Variants in FER observed in about 807,000 individuals in gnomAD.
FER encodes FER tyrosine kinase.
Under a neutral mutation model 111.0 loss-of-function variants are expected in FER, and 63 were observed. The ratio of observed to expected loss-of-function variants is 0.57; its 90% CI spans 0.46 to 0.70. The LOEUF (loss-of-function observed/expected upper bound fraction) is 0.70, where lower values mean the gene tolerates loss of function less well. FER is among the 30% of genes least tolerant of loss of function. The pLI is 0.00. For synonymous variants in FER, 327 were observed against 313.9 expected (o/e 1.04, Z -0.44); for missense variants, 914 against 954.0 (o/e 0.96, Z 0.55).
chr5:109,054,517 A>G (rs1317251878), intron 16 of FER, among the ~76,000 whole-genome samples: 1 of 152,188 alleles, frequency 6.6e-6, no homozygotes, highest in Non-Finnish European at 1.5e-5. Flanking sequence ...TATTCTGGAT[A>G]CAAATCCTTT....
At chr5:108,816,084 C>A (rs985480078) in intron 3 of FER, among the ~76,000 whole-genome samples, 1 of 152,026 alleles carries the variant, frequency 6.6e-6, no homozygotes, top group Non-Finnish European at 1.5e-5. Flanking sequence ...CCCAAACACA[C>A]ACACACCACA....
intron 1 of FER, among the ~76,000 whole-genome samples, chr5:108,764,512 C>T (rs866615225): frequency 1.3e-5 from 2 of 152,090 alleles, no homozygotes; most frequent in Non-Finnish European, 2.9e-5. Context: ...ATTCTCCTGC[C>T]TCAGCCTCCC....
intron 17 of FER, among the ~76,000 whole-genome samples, chr5:109,113,548 A>G (rs913976592): frequency 3.1e-4 from 47 of 152,122 alleles, no homozygotes; most frequent in Non-Finnish European, 3.8e-4. Flanking sequence ...TTTTCATAGG[A>G]AACTCTTCAA....
At chr5:109,158,954 T>A (rs1364416812) in intron 17 of FER, among the ~76,000 whole-genome samples, 5 of 152,158 alleles carry the variant, frequency 3.3e-5, no homozygotes, top group African/African-American at 1.2e-4. Context: ...TAATTTTAAA[T>A]TCAGTCATTA....
chr5:109,078,007 A>G (rs1776558813), intron 16 of FER, among the ~76,000 whole-genome samples: 1 of 152,156 alleles, frequency 6.6e-6, no homozygotes, highest in Admixed American at 6.5e-5. Context: ...AAGTTTTTGA[A>G]ATAAACTAAT....
intron 10 of FER, among the ~76,000 whole-genome samples, chr5:108,924,109 C>A (rs554731256): frequency 3.6e-4 from 54 of 152,074 alleles, no homozygotes; most frequent in African/African-American, 1.1e-3. Context: ...GTAATCCCAG[C>A]ACTTTGGGAG....
chr5:109,030,315 G>C (rs1769418314), intron 13 of FER, among the ~76,000 whole-genome samples: 1 of 152,056 alleles, frequency 6.6e-6, no homozygotes, highest in Non-Finnish European at 1.5e-5. Flanking sequence ...CCCACTGTTG[G>C]TTGACTGTCT....
At chr5:109,112,179 A>G (rs1197540406) in intron 17 of FER, among the ~76,000 whole-genome samples, 1 of 152,182 alleles carries the variant, frequency 6.6e-6, no homozygotes, top group Non-Finnish European at 1.5e-5. Flanking sequence ...TAAGACATAG[A>G]TAAGTTTTGA....
chr5:109,103,152 A>C (rs575818236), intron 17 of FER, among the ~76,000 whole-genome samples: 6 of 152,104 alleles, frequency 3.9e-5, no homozygotes, highest in Non-Finnish European at 8.8e-5. Flanking sequence ...TCTCATTTTT[A>C]TATGCCAAAA....
intron 5 of FER, among the ~76,000 whole-genome samples, chr5:108,847,552 T>A (rs1420858135): frequency 2.0e-5 from 3 of 152,198 alleles, no homozygotes; most frequent in Admixed American, 6.5e-5. Context: ...AAATTTGTTA[T>A]GTTCTTAACA....
intron 1 of FER, among the ~76,000 whole-genome samples, chr5:108,764,369 T>G (rs1344384052): frequency 1.3e-5 from 2 of 151,930 alleles, no homozygotes; most frequent in Non-Finnish European, 2.9e-5. Context: ...AAAACAATTT[T>G]ATTTTATTTT....
intron 13 of FER, among the ~76,000 whole-genome samples, chr5:108,961,191 T>C (rs546953526): frequency 1.3e-5 from 2 of 152,288 alleles, no homozygotes; most frequent in African/African-American, 4.8e-5. Context: ...ATATTTTTTA[T>C]CCAGATTAGG....
intron 17 of FER, among the ~76,000 whole-genome samples, chr5:109,113,436 T>C (rs1283198852): frequency 6.6e-6 from 1 of 152,188 alleles, no homozygotes; most frequent in East Asian, 1.9e-4. Context: ...TTATTTTATA[T>C]TACTGGATGA....
Position 108,954,855 on chromosome 5 carries a change from C to A in FER, c.1456C>A (p.His486Asn). ...AGGAGACTTTTTGGTGCGAGAGAGTCATGGGAAACCTGGTGAATATGTCCT... is the reference window on the plus strand; with the variant it reads ...AGGAGACTTTTTGGTGCGAGAGAGTAATGGGAAACCTGGTGAATATGTCCT... ...KQGDFLVRES[H>N]GKPGEYVLSV... The change falls in exon 12 of 20, where the codon CAT (histidine) becomes AAT (asparagine). Residue 486 changes from histidine (H) to asparagine (N), a missense_variant. Physicochemically the swap from His to Asn is moderately conservative, Grantham distance 68. Coordinates refer to ENST00000281092, the MANE Select transcript of FER (RefSeq NM_005246.4). 2 of 1,611,926 alleles carry A rather than the reference C, an allele frequency of 1.2e-6. No individual in the cohort carries two copies. Among genetic ancestry groups the A allele is most frequent in the South Asian group, 2.2e-5 (2 of 90,972 alleles).
chr5:108,816,431 G>A (rs1027563644), intron 3 of FER, among the ~76,000 whole-genome samples: 7 of 152,118 alleles, frequency 4.6e-5, no homozygotes, highest in East Asian at 1.9e-4. Context: ...TTCTGAAGTC[G>A]ACTTTGACAA....
At chr5:109,126,890 C>G (rs1014414767) in intron 17 of FER, among the ~76,000 whole-genome samples, 1 of 152,150 alleles carries the variant, frequency 6.6e-6, no homozygotes, top group African/African-American at 2.4e-5. Flanking sequence ...TCTGAGGAGT[C>G]TACATTTTGA....
chr5:108,796,889 G>A (rs1422422592), intron 2 of FER, among the ~76,000 whole-genome samples: 1 of 151,950 alleles, frequency 6.6e-6, no homozygotes, highest in Non-Finnish European at 1.5e-5. Context: ...TGGTACCTAA[G>A]GTGTAAGACA....
chr5:108,764,941 T>A (rs1752150626), intron 1 of FER, among the ~76,000 whole-genome samples: 1 of 152,154 alleles, frequency 6.6e-6, no homozygotes, highest in Non-Finnish European at 1.5e-5. Flanking sequence ...ACTTGCATGA[T>A]CCTGAGAGTA....
At chr5:108,973,104 C>T (rs979312806) in intron 13 of FER, among the ~76,000 whole-genome samples, 9 of 152,136 alleles carry the variant, frequency 5.9e-5, no homozygotes, top group Non-Finnish European at 1.5e-5. Flanking sequence ...AGTGGTGACA[C>T]AATCTTGTGT....
Sources: allele counts gnomAD v4.1 joint callset (sites outside exome capture counted in the v4.1 genomes callset), GRCh38; gene constraint gnomAD v4.1.1; transcripts MANE v1.5; gene names NCBI Gene and HGNC (gene_info 2026-07-23, HGNC 2026-07-21).